The following FOXP1 variants were observed in gnomAD, a reference collection of about 807,000 sequenced individuals.
The protein encoded by FOXP1 is forkhead box P1.
A neutral mutation model predicts 98.2 loss-of-function variants in FOXP1; 15 were observed. The ratio of observed to expected loss-of-function variants is 0.15; its 90% confidence interval spans 0.10 to 0.24. FOXP1 has a LOEUF of 0.24. Among genes scored for constraint, FOXP1 ranks in the 10% least tolerant of loss-of-function variants. The pLI, the probability that FOXP1 is intolerant of heterozygous loss-of-function variation, is 1.00. For synonymous variants in FOXP1, 371 were observed against 314.5 expected, an observed-to-expected ratio of 1.18 and a Z score of -1.90; for missense variants, 633 against 848.5, an observed-to-expected ratio of 0.75 and a Z score of 3.15.
intron 20 of FOXP1, among the ~76,000 whole-genome samples, chr3:70,961,699 G>A (rs2033573926): frequency 6.6e-6 from 1 of 152,018 alleles, no homozygotes; most frequent in African/African-American, 2.4e-5. Context: ...AATTTTGGAA[G>A]CCCAGTGCAA....
intron 3 of FOXP1, among the ~76,000 whole-genome samples, chr3:71,436,485 A>AC (rs2085368088): frequency 6.5e-5 from 4 of 61,248 alleles, no homozygotes. Context: ...CAAATACCCC[A>AC]TCTATCGTCC....
At chr3:71,127,552 T>G (rs2059300313) in intron 6 of FOXP1, among the ~76,000 whole-genome samples, 1 of 152,218 alleles carries the variant, frequency 6.6e-6, no homozygotes, top group Non-Finnish European at 1.5e-5. Context: ...TAGCTATATT[T>G]TCCAGGCCAG....
At chr3:71,469,782 T>G (rs899713664) in intron 3 of FOXP1, among the ~76,000 whole-genome samples, 4 of 152,314 alleles carry the variant, frequency 2.6e-5, no homozygotes, top group Admixed American at 2.0e-4. Flanking sequence ...GCCCGATTTT[T>G]CACTGGAACT....
chr3:70,961,412 G>C (rs138304589), intron 20 of FOXP1, among the ~76,000 whole-genome samples: 2 of 151,130 alleles, frequency 1.3e-5, no homozygotes, highest in Non-Finnish European at 2.9e-5. Context: ...TGTATTTTTA[G>C]TACAGATGAG....
At position 70,977,986 on chromosome 3, in the gene FOXP1, T is replaced by C; in HGVS notation, c.1190A>G (p.Glu397Gly). Residue 397 changes from glutamate (E) to glycine (G), a missense_variant, in exon 15 of 21, where the codon GAG (glutamate) becomes GGG (glycine). Physicochemically the swap from Glu to Gly is moderately conservative, Grantham distance 98. Transcript: ENST00000649528. ...SSVTLSKSAS[E>G]ASPQSLPHTP... is the part of the protein sequence containing the mutation. ...ATGAGGTAAGCTCTGTGGAGAAGCC[T>C]CCGATGCGGACTTGGAGAGAGTGAC... 1 of 1,614,040 alleles carries C rather than the reference T, an allele frequency of 6.2e-7. No homozygotes were observed. The highest frequency in any genetic ancestry group is 8.5e-7 in the Non-Finnish European group (1 of 1,179,988).
At chr3:71,408,119 G>A (rs1009081966) in intron 3 of FOXP1, among the ~76,000 whole-genome samples, 1 of 152,136 alleles carries the variant, frequency 6.6e-6, no homozygotes, top group Non-Finnish European at 1.5e-5. Flanking sequence ...CTTAGTTAAG[G>A]GTCTGACAAC....
At chr3:71,389,240 G>T (rs868128541) in intron 3 of FOXP1, among the ~76,000 whole-genome samples, 24 of 57,412 alleles carry the variant, frequency 4.2e-4, no homozygotes, top group African/African-American at 1.6e-3. Flanking sequence ...GTAAGCGGCG[G>T]GGGGGGGGGG....
intron 2 of FOXP1, among the ~76,000 whole-genome samples, chr3:71,517,053 G>T (rs183618388): frequency 6.6e-6 from 1 of 152,224 alleles, no homozygotes; most frequent in Admixed American, 6.5e-5. Context: ...TTCCAATTTG[G>T]AAATGATGTC....
intron 3 of FOXP1, among the ~76,000 whole-genome samples, chr3:71,454,328 T>A (rs11707890): frequency 2.0e-5 from 3 of 152,086 alleles, no homozygotes; most frequent in Non-Finnish European, 4.4e-5. Context: ...GCACATCATC[T>A]GTATTTTCAC....
At chr3:71,472,608 G>A (rs370708751) in intron 3 of FOXP1, among the ~76,000 whole-genome samples, 3 of 151,984 alleles carry the variant, frequency 2.0e-5, no homozygotes, top group African/African-American at 4.8e-5. Context: ...TTTGAAACCA[G>A]CCCAGAACTC....
At chr3:71,220,543 T>C (rs377539331) in intron 5 of FOXP1, among the ~76,000 whole-genome samples, 1 of 151,588 alleles carries the variant, frequency 6.6e-6, no homozygotes, top group African/African-American at 2.4e-5. Context: ...AGCTTAGGAG[T>C]TTGAGATCAC....
intron 4 of FOXP1, among the ~76,000 whole-genome samples, chr3:71,310,953 C>T (rs1325881645): frequency 6.6e-6 from 1 of 152,144 alleles, no homozygotes; most frequent in Non-Finnish European, 1.5e-5. Flanking sequence ...TTTGGTTGTT[C>T]TGGGCAAAAA....
At chr3:71,487,011 A>G (rs1029060263) in intron 3 of FOXP1, among the ~76,000 whole-genome samples, 4 of 152,156 alleles carry the variant, frequency 2.6e-5, no homozygotes, top group African/African-American at 7.2e-5. Context: ...GCCTCTCCCT[A>G]TGAGAAAGCA....
chr3:71,052,274 G>C (rs1200562988), intron 9 of FOXP1, among the ~76,000 whole-genome samples: 1 of 152,090 alleles, frequency 6.6e-6, no homozygotes, highest in Non-Finnish European at 1.5e-5. Flanking sequence ...GTTGCAAAAA[G>C]TAACCTGAAG....
intron 18 of FOXP1, 57 bp from the exon 19 acceptor site, chr3:70,970,862 A>G (rs2036078037): frequency 7.3e-7 from 1 of 1,377,212 alleles, no homozygotes. Flanking sequence ...CTGAGTTCCT[A>G]GCTAAGTTTT....
intron 3 of FOXP1, among the ~76,000 whole-genome samples, chr3:71,478,616 T>C (rs1341916297): frequency 6.6e-6 from 1 of 152,228 alleles, no homozygotes; most frequent in African/African-American, 2.4e-5. Flanking sequence ...TTCTCTTCCC[T>C]GAGCCCTCCA....
At chr3:71,051,127 A>G (rs2049831008) in intron 9 of FOXP1, among the ~76,000 whole-genome samples, 1 of 152,222 alleles carries the variant, frequency 6.6e-6, no homozygotes, top group African/African-American at 2.4e-5. Flanking sequence ...AGCCTTCTGC[A>G]CAGTGATATC....
chr3:71,271,280 G>C (rs967937477), intron 5 of FOXP1, among the ~76,000 whole-genome samples: 1 of 152,184 alleles, frequency 6.6e-6, no homozygotes, highest in Admixed American at 6.5e-5. Context: ...AAGATCTGTG[G>C]TAAACAAATA....
At chr3:71,228,326 C>T (rs1318644109) in intron 5 of FOXP1, among the ~76,000 whole-genome samples, 1 of 151,822 alleles carries the variant, frequency 6.6e-6, no homozygotes, top group Admixed American at 6.6e-5. Context: ...CATAAATCAA[C>T]CTGCTTTTTT....
Sources: gnomAD v4.1 joint callset for allele counts (sites outside exome capture counted in the v4.1 genomes callset) on GRCh38, gnomAD v4.1.1 for gene constraint, MANE v1.5 for transcripts, NCBI Gene and HGNC (gene_info 2026-07-23, HGNC 2026-07-21) for gene names.